ADGRB3: variants seen among roughly 807,000 people sequenced by gnomAD.
ADGRB3 encodes the protein adhesion G protein-coupled receptor B3, also known as brain-specific angiogenesis inhibitor 3.
Under a neutral mutation model 193.4 loss-of-function variants are expected in ADGRB3, and 37 were observed. The observed-to-expected ratio is 0.19, with a 90% CI of 0.15 to 0.25. ADGRB3 has a LOEUF of 0.25. Ranked by LOEUF, ADGRB3 falls within the 10% of genes least tolerant of loss-of-function variation. The pLI is 1.00. For missense variants in ADGRB3, 1,637 were observed against 1,852.9 expected (o/e 0.88, Z 2.14); for synonymous variants, 690 against 644.2 (o/e 1.07, Z -1.08).
chr6:69,079,691 C>A (rs527450741), intron 17 of ADGRB3, among the ~76,000 whole-genome samples: 14 of 151,978 alleles, frequency 9.2e-5, no homozygotes, highest in Non-Finnish European at 2.1e-4. Flanking sequence ...TTTGCACATT[C>A]TTTGAGCTAC....
intron 10 of ADGRB3, among the ~76,000 whole-genome samples, chr6:68,981,559 A>C (rs1192903477): frequency 3.3e-5 from 5 of 151,652 alleles, no homozygotes; most frequent in Admixed American, 2.6e-4. Context: ...AGGGCTGGTG[A>C]ACTGCTTCTA....
chr6:68,732,022 T>G (rs942012924), intron 3 of ADGRB3, among the ~76,000 whole-genome samples: 3 of 151,778 alleles, frequency 2.0e-5, no homozygotes, highest in African/African-American at 7.2e-5. Context: ...TTAACTTATC[T>G]ACTCATGAAC....
intron 3 of ADGRB3, among the ~76,000 whole-genome samples, chr6:68,923,865 T>A (rs1181989979): frequency 1.3e-5 from 2 of 152,106 alleles, no homozygotes; most frequent in African/African-American, 4.8e-5. Context: ...GTTTACTTTC[T>A]TATATTTCTG....
At chr6:68,826,889 G>T (rs1417791615) in intron 3 of ADGRB3, among the ~76,000 whole-genome samples, 1 of 152,144 alleles carries the variant, frequency 6.6e-6, no homozygotes. Context: ...GAGAGACTAG[G>T]ATGGCCAGAA....
In ADGRB3 at chr6:69,295,936, C is replaced by A. The variant is rs780883364; in HGVS notation, c.2815-28936C>A. Among the ~76,000 whole-genome samples, 75 of 152,200 alleles carry A rather than the reference C, an allele frequency of 4.9e-4. 1 individual carries two copies. The highest frequency in any genetic ancestry group is 3.4e-3 in the Middle Eastern group (1 of 292). Reference sequence around the variant, plus strand: ...ATAGCAGAACCAGACTAGAATATGTCTATGAATCAGGAAATCTTGTTGACT... The same window carrying A: ...ATAGCAGAACCAGACTAGAATATGTATATGAATCAGGAAATCTTGTTGACT... On this transcript the variant is annotated intron_variant, in intron 20 of 31. Coordinates refer to ENST00000370598, the MANE Select transcript of ADGRB3 (RefSeq NM_001704.3).
At chr6:68,770,983 A>G (rs971903506) in intron 3 of ADGRB3, among the ~76,000 whole-genome samples, 1 of 152,222 alleles carries the variant, frequency 6.6e-6, no homozygotes, top group Non-Finnish European at 1.5e-5. Flanking sequence ...AATTTGGAAA[A>G]GTGGTATTGT....
intron 3 of ADGRB3, among the ~76,000 whole-genome samples, chr6:68,665,001 T>C (rs889563816): frequency 1.3e-5 from 2 of 151,754 alleles, no homozygotes. Flanking sequence ...GTGTATGTAA[T>C]TGGATTCGAT....
At chr6:69,219,884 AGTAATGG>A (rs1301587477) in intron 17 of ADGRB3, among the ~76,000 whole-genome samples, 10 of 152,080 alleles carry the variant, frequency 6.6e-5, no homozygotes, top group Non-Finnish European at 1.3e-4. Flanking sequence ...TGTACATTAT[AGTAATGG>A]GTCTGCAGTA....
chr6:69,237,209 T>A (rs1417120140), intron 19 of ADGRB3, among the ~76,000 whole-genome samples: 2 of 152,048 alleles, frequency 1.3e-5, no homozygotes, highest in Non-Finnish European at 2.9e-5. Context: ...ATAATATTAC[T>A]GTATGCTAAT....
chr6:68,916,939 G>C (rs35411732), intron 3 of ADGRB3, among the ~76,000 whole-genome samples: 2,672 of 152,220 alleles, frequency 0.018, 33 homozygotes, highest in Non-Finnish European at 0.027. Context: ...CTTTATATAT[G>C]TTTTACCTTG....
At chr6:69,093,220 A>C (rs1445183007) in intron 17 of ADGRB3, among the ~76,000 whole-genome samples, 1 of 149,600 alleles carries the variant, frequency 6.7e-6, no homozygotes, top group Non-Finnish European at 1.5e-5. Flanking sequence ...GCTAAGGGAG[A>C]GAGAGGTGGG....
At chr6:68,716,725 G>C (rs1470000753) in intron 3 of ADGRB3, among the ~76,000 whole-genome samples, 1 of 151,592 alleles carries the variant, frequency 6.6e-6, no homozygotes, top group South Asian at 2.1e-4. Context: ...CCCTGAAAGA[G>C]CTAATTGTTA....
intron 17 of ADGRB3, among the ~76,000 whole-genome samples, chr6:69,223,759 C>T (rs556694666): frequency 1.3e-5 from 2 of 148,686 alleles, no homozygotes; most frequent in East Asian, 4.0e-4. Context: ...TGGATTCAAG[C>T]GATCTTTCTA....
At chr6:69,021,816 A>C (rs779924738) in intron 13 of ADGRB3, among the ~76,000 whole-genome samples, 1 of 151,876 alleles carries the variant, frequency 6.6e-6, no homozygotes, top group Admixed American at 6.6e-5. Flanking sequence ...CTCCCTGTCT[A>C]TATTGGCTTT....
At chr6:69,062,903 T>A in intron 15 of ADGRB3, 31 bp from the exon 16 acceptor site, 1 of 1,513,564 alleles carries the variant, frequency 6.6e-7, no homozygotes, top group Non-Finnish European at 9.2e-7. Context: ...AGCACTCATT[T>A]CTCCTTTTAA....
chr6:69,110,803 G>T (rs547018213), intron 17 of ADGRB3, among the ~76,000 whole-genome samples: 1 of 152,082 alleles, frequency 6.6e-6, no homozygotes, highest in Non-Finnish European at 1.5e-5. Flanking sequence ...ACCTTCTTAA[G>T]GTTGATATTT....
intron 17 of ADGRB3, among the ~76,000 whole-genome samples, chr6:69,089,262 A>G (rs1254807024): frequency 6.6e-6 from 1 of 152,214 alleles, no homozygotes. Flanking sequence ...AACTTGTTAA[A>G]CTTGTCAGAA....
intron 15 of ADGRB3, among the ~76,000 whole-genome samples, chr6:69,050,977 C>T (rs181575536): frequency 6.6e-6 from 1 of 152,266 alleles, no homozygotes; most frequent in Admixed American, 6.5e-5. Context: ...ATAGCACTCA[C>T]TCACCTACAC....
intron 3 of ADGRB3, among the ~76,000 whole-genome samples, chr6:68,920,512 C>A (rs11751078): frequency 0.013 from 919 of 68,822 alleles, 70 homozygotes; most frequent in East Asian, 0.03. Flanking sequence ...GACTCTGTAT[C>A]AAAAAAAAAA....
Sources: allele counts gnomAD v4.1 joint callset (sites outside exome capture counted in the v4.1 genomes callset), GRCh38; gene constraint gnomAD v4.1.1; transcripts MANE v1.5; gene names NCBI Gene and HGNC (gene_info 2026-07-23, HGNC 2026-07-21).